CCDC82: variants seen among roughly 807,000 people sequenced by gnomAD.
CCDC82 encodes coiled-coil domain containing 82.
CCDC82 carries 47 observed loss-of-function variants against 60.6 expected under a neutral mutation model. The ratio of observed to expected loss-of-function variants is 0.77; its 90% CI spans 0.61 to 0.99. The LOEUF (loss-of-function observed/expected upper bound fraction) is 0.99. Ranked by LOEUF, CCDC82 falls within the 50% of genes least tolerant of loss-of-function variation. The probability of loss-of-function intolerance (pLI) is 0.00; values close to 1 mark genes in which losing one functional copy is unlikely to be tolerated. For missense variants in CCDC82, 588 were observed against 633.0 expected (o/e 0.93, Z 0.76); for synonymous variants, 212 against 207.4 (o/e 1.02, Z -0.19).
chr11:96,387,834 T>C lies in CCDC82; in HGVS notation c.-138-221A>G, dbSNP rs1402598450. On this transcript the variant is annotated intron_variant, in intron 1 of 9. Coordinates refer to ENST00000646818, the MANE Select transcript of CCDC82 (RefSeq NM_024725.4). ...TTATCCACCAGGCAAGAAAAGAGTA[T>C]TTGCAGACTTCCCTCTTATCATCTT... is the stretch of plus-strand genomic sequence containing the variant. The C allele has an allele frequency of 2.6e-5, 4 of 152,156 alleles. No homozygotes were observed. In the East Asian group the frequency reaches 5.8e-4, roughly 22 times the overall value. The allele number at this position is 152,156 out of a possible 1,614,324, so 9.4% of individuals were successfully genotyped here. A position where few individuals can be genotyped will look rare whatever the true frequency, so the allele number is the denominator to read the frequency against.
intron 9 of CCDC82, chr11:96,358,491 A>T: frequency 4.1e-6 from 5 of 1,231,508 alleles, no homozygotes; most frequent in Non-Finnish European, 5.1e-6. Flanking sequence ...CTCGATCTTC[A>T]GTTACAGTGC....
chr11:96,384,673 A>G lies in CCDC82; in HGVS notation c.75T>C (p.Asp25=), dbSNP rs1244880544. ...TACTACTTCTTTTAGTTCGCCTCCA[A>G]TCAACTCGAGATTTCTGCTCAGGCA... ...SHVPEQKSRV[D]WRRTKRSSIS... is the part of the protein sequence containing the mutation. The change falls in exon 4 of 10, where the codon GAT becomes GAC. Residue 25 remains aspartate (D), a synonymous_variant. Coordinates refer to ENST00000646818, the MANE Select transcript of CCDC82 (RefSeq NM_024725.4). The G allele has an allele frequency of 5.6e-6, 9 of 1,613,342 alleles. No individual in the cohort carries two copies. Among genetic ancestry groups the G allele is most frequent in the Non-Finnish European group, 7.6e-6 (9 of 1,179,596 alleles).
rs1245038498 is a variant in CCDC82 at position 96,384,093 on chromosome 11, A to G, written c.655T>C (p.Ser219Pro). 2 of 1,613,572 alleles carry G rather than the reference A, an allele frequency of 1.2e-6. No individual in the cohort carries two copies. Among genetic ancestry groups the G allele is most frequent in the Non-Finnish European group, 1.7e-6 (2 of 1,179,746 alleles). The change falls in exon 4 of 10, where the codon TCT becomes CCT. Residue 219 changes from serine to proline, a missense_variant. Transcript: ENST00000646818. Reference protein sequence around the residue: ...RPRRVVEDEGSSVEMEQKTPE... With the variant: ...RPRRVVEDEGPSVEMEQKTPE... The stretch of plus-strand genomic sequence containing the variant: ...GTCTTTTGCTCCATTTCCACTGAAG[A>G]ACCTTCATCTTCAACCACTCTACGG...
chr11:96,381,818 T>C (rs1310547130), intron 5 of CCDC82: 1 of 151,796 alleles, frequency 6.6e-6, no homozygotes, highest in East Asian at 1.9e-4. Context: ...GTAATAACAA[T>C]ATTATTTATT....
chr11:96,363,005 C>G (rs1458403338), intron 8 of CCDC82: 2 of 151,846 alleles, frequency 1.3e-5, no homozygotes, highest in African/African-American at 4.8e-5. Context: ...CGCTGTCGCC[C>G]AGGCTGGAGT....
At chr11:96,376,631 T>C (rs1225248143) in intron 5 of CCDC82, among the ~76,000 whole-genome samples, 1 of 152,100 alleles carries the variant, frequency 6.6e-6, no homozygotes, top group Non-Finnish European at 1.5e-5. Context: ...TTTCTGTGTG[T>C]TGGCCAGGCT....
intron 6 of CCDC82, among the ~76,000 whole-genome samples, chr11:96,372,109 A>G (rs1865305053): frequency 6.6e-6 from 1 of 151,972 alleles, no homozygotes; most frequent in African/African-American, 2.4e-5. Flanking sequence ...CTTCAGCCAC[A>G]AAGGCCTTCT....
chr11:96,371,227 T>C, intron 6 of CCDC82, 90 bp from the exon 7 acceptor site: 2 of 838,360 alleles, frequency 2.4e-6, no homozygotes, highest in Non-Finnish European at 3.3e-6. Flanking sequence ...CCCAACTTGG[T>C]TGGAAGCATT....
chr11:96,366,714 C>T (rs1037797676), intron 7 of CCDC82, among the ~76,000 whole-genome samples: 1 of 152,098 alleles, frequency 6.6e-6, no homozygotes, highest in Non-Finnish European at 1.5e-5. Context: ...CAGAACGAGA[C>T]CCCTCTATTC....
intron 8 of CCDC82, among the ~76,000 whole-genome samples, chr11:96,360,986 C>T (rs919522169): frequency 6.6e-6 from 1 of 152,206 alleles, no homozygotes; most frequent in Admixed American, 6.5e-5. Context: ...TAGAAGTAAA[C>T]AGGTATTATT....
intron 7 of CCDC82, among the ~76,000 whole-genome samples, chr11:96,368,917 G>GA (rs1193344154): frequency 6.6e-6 from 1 of 150,640 alleles, no homozygotes; most frequent in Non-Finnish European, 1.5e-5. Context: ...TGTCTACTCT[G>GA]AAAAAATCTG....
At chr11:96,370,865 T>C in intron 7 of CCDC82, 148 bp downstream of exon 7, 3 of 622,842 alleles carry the variant, frequency 4.8e-6, no homozygotes, top group Non-Finnish European at 7.4e-6. Context: ...AAAACAATAA[T>C]AACTTTTAGA....
chr11:96,377,357 T>TATACAC (rs1555054160), intron 5 of CCDC82, among the ~76,000 whole-genome samples: 2 of 149,454 alleles, frequency 1.3e-5, no homozygotes, highest in African/African-American at 4.9e-5. Context: ...GTGTACATAA[T>TATACAC]ACACACACAC....
At chr11:96,370,752 T>C (rs553861850) in intron 7 of CCDC82, among the ~76,000 whole-genome samples, 3 of 152,286 alleles carry the variant, frequency 2.0e-5, no homozygotes, top group African/African-American at 7.2e-5. Flanking sequence ...TGTGAGACAA[T>C]CTTCTCATTT....
chr11:96,385,343 TAA>T (rs1213434845), intron 3 of CCDC82: 1 of 152,244 alleles, frequency 6.6e-6, no homozygotes, highest in Non-Finnish European at 1.5e-5. Flanking sequence ...TTAAAATGTA[TAA>T]AAAAGAGTTT....
intron 9 of CCDC82, chr11:96,356,044 G>A (rs1233744405): frequency 6.6e-6 from 1 of 152,120 alleles, no homozygotes; most frequent in Non-Finnish European, 1.5e-5. Flanking sequence ...CAGTGTTAAC[G>A]GGTACTTTTT....
At chr11:96,357,667 T>C in intron 9 of CCDC82, 6 of 984,888 alleles carry the variant, frequency 6.1e-6, no homozygotes, top group Non-Finnish European at 7.2e-6. Context: ...ATACCTAGTA[T>C]CTAATTCTTT....
rs1279620120 is a variant in CCDC82 at position 96,383,823 on chromosome 11, CAT to C, written c.786+137_786+138del. 6.4e-6 allele frequency: 5 copies of C among 781,432 alleles called. No homozygotes were observed. In the East Asian group the frequency reaches 1.1e-4, roughly 17 times the overall value. 48.4% of individuals were successfully genotyped at this position (781,432 alleles called of 1,614,324 possible). A position where few individuals can be genotyped will look rare whatever the true frequency, so the allele number is the denominator to read the frequency against. ...TATTACGTACAATAGTGTAATCAAA[CAT>C]GTTCAAGAATACTTGATTAAAAAAT... On this transcript the variant is annotated intron_variant, in intron 4 of 9. Transcript: ENST00000646818.
At chr11:96,357,629 T>A (rs935817903) in intron 9 of CCDC82, 1 of 977,924 alleles carries the variant, frequency 1.0e-6, no homozygotes, top group African/African-American at 1.8e-5. Flanking sequence ...TTATATAACA[T>A]ATACAGTATA....
Sources: allele counts gnomAD v4.1 joint callset (sites outside exome capture counted in the v4.1 genomes callset), GRCh38; gene constraint gnomAD v4.1.1; transcripts MANE v1.5; gene names NCBI Gene and HGNC (gene_info 2026-07-23, HGNC 2026-07-21).